The following MTBP variants were observed in gnomAD, a reference collection of about 807,000 sequenced individuals.
The protein encoded by MTBP is mdm2-binding protein.
MTBP carries 101 observed loss-of-function variants against 117.0 expected under a neutral mutation model. That is an observed-to-expected ratio of 0.86 (90% CI 0.73 to 1.02). MTBP has a LOEUF of 1.02. Ranked by LOEUF, MTBP falls within the 50% of genes least tolerant of loss-of-function variation. MTBP has a pLI of 0.00. For missense variants in MTBP, 970 were observed against 1,030.9 expected, an observed-to-expected ratio of 0.94 and a Z score of 0.81; for synonymous variants, 350 against 351.5, an observed-to-expected ratio of 1.00 and a Z score of 0.05.
intron 14 of MTBP, among the ~76,000 whole-genome samples, chr8:120,500,157 CTAT>C (rs1482702424): frequency 6.6e-6 from 1 of 151,850 alleles, no homozygotes; most frequent in Non-Finnish European, 1.5e-5. Flanking sequence ...TTCTATTGTT[CTAT>C]TTCTGTGTTT....
rs1020880400 is a variant in MTBP, at chr8:120,455,640, C to A, written c.629+61C>A. On this transcript the variant is annotated intron_variant, in intron 6 of 21. Transcript: ENST00000305949. ...CTTGTCTGTTTTCACAATTAACATA[C>A]TATTCTCTTTTCAGACTCAGCGTTT... The A allele has an allele frequency of 5.4e-6, 8 of 1,487,484 alleles. No individual in the cohort carries two copies. The African/African-American group carries it at 1.1e-4, about 21-fold the overall frequency. The allele number at this position is 1,487,484 out of a possible 1,614,324, so 92.1% of individuals were successfully genotyped here. A position where few individuals can be genotyped will look rare whatever the true frequency, so the allele number is the denominator to read the frequency against.
intron 12 of MTBP, among the ~76,000 whole-genome samples, chr8:120,489,841 A>G (rs1009959517): frequency 2.0e-5 from 3 of 152,160 alleles, no homozygotes; most frequent in Middle Eastern, 3.2e-3. Context: ...CCTGGCTTCT[A>G]TATTTCAGGG....
chr8:120,498,900 A>G (rs1814525032), intron 14 of MTBP, among the ~76,000 whole-genome samples: 1 of 152,170 alleles, frequency 6.6e-6, no homozygotes, highest in South Asian at 2.1e-4. Flanking sequence ...GAAGGGCTCA[A>G]ATAATTGCTA....
At chr8:120,514,293 G>A (rs1188591153) in intron 17 of MTBP, among the ~76,000 whole-genome samples, 1 of 151,846 alleles carries the variant, frequency 6.6e-6, no homozygotes, top group African/African-American at 2.4e-5. Context: ...TCCTTGTACT[G>A]TATGCTAGAT....
intron 8 of MTBP, 33 bp downstream of exon 8, chr8:120,459,382 C>G: frequency 1.9e-6 from 3 of 1,574,058 alleles, no homozygotes; most frequent in Non-Finnish European, 2.6e-6. Flanking sequence ...TGTGATCATT[C>G]ATGTGTATTT....
intron 10 of MTBP, 108 bp from the exon 11 acceptor site, chr8:120,470,712 C>G (rs1269024323): frequency 5.3e-6 from 4 of 757,598 alleles, no homozygotes; most frequent in African/African-American, 1.8e-5. Flanking sequence ...GAGGGCATTA[C>G]TAAATGCATG....
intron 8 of MTBP, 46 bp from the exon 9 acceptor site, chr8:120,461,115 T>C: frequency 7.3e-7 from 1 of 1,361,012 alleles, no homozygotes; most frequent in Non-Finnish European, 1.0e-6. Context: ...TTGTTTACTT[T>C]TGTTTATGGT....
intron 19 of MTBP, 58 bp from the exon 20 acceptor site, chr8:120,518,646 A>T: frequency 8.6e-7 from 1 of 1,159,612 alleles, no homozygotes; most frequent in African/African-American, 1.6e-5. Context: ...CTAAAGCTGA[A>T]ATAATAGGTT....
At chr8:120,473,575 A>G (rs1403151687) in intron 11 of MTBP, 2 of 152,140 alleles carry the variant, frequency 1.3e-5, no homozygotes, top group Non-Finnish European at 2.9e-5. Context: ...GGCAAAATGG[A>G]AGGTACTTCC....
intron 11 of MTBP, among the ~76,000 whole-genome samples, chr8:120,475,346 T>A (rs1296535825): frequency 1.3e-5 from 2 of 151,990 alleles, no homozygotes; most frequent in African/African-American, 2.4e-5. Context: ...AAATATTTGT[T>A]AAATAATGAG....
At position 120,459,426 on chromosome 8, in the gene MTBP, A is replaced by T. The variant is rs887389564; in HGVS notation, c.882+77A>T. 1.3e-5 allele frequency: 18 copies of T among 1,368,946 alleles called. No individual in the cohort carries two copies. In the African/African-American group the frequency reaches 2.2e-4, roughly 17 times the overall value. The allele number at this position is 1,368,946 out of a possible 1,614,324, so 84.8% of individuals were successfully genotyped here. ...ATAAAATATGTTTGAATCTTGACTT[A>T]ATATTACTAATATATGTGCTTAAGT... On this transcript the variant is annotated intron_variant, in intron 8 of 21. Transcript: ENST00000305949.
chr8:120,469,915 C>T (rs1813783975), intron 10 of MTBP, among the ~76,000 whole-genome samples: 1 of 152,186 alleles, frequency 6.6e-6, no homozygotes, highest in Non-Finnish European at 1.5e-5. Flanking sequence ...AGCAACAAAA[C>T]ATTAAAATAT....
At chr8:120,464,403 CTG>C (rs1238809453) in intron 10 of MTBP, among the ~76,000 whole-genome samples, 1 of 151,890 alleles carries the variant, frequency 6.6e-6, no homozygotes, top group Non-Finnish European at 1.5e-5. Context: ...ATTTATTCAA[CTG>C]TTATGTTTCT....
At chr8:120,514,382 C>T (rs934321145) in intron 17 of MTBP, among the ~76,000 whole-genome samples, 13 of 152,022 alleles carry the variant, frequency 8.6e-5, no homozygotes, top group Non-Finnish European at 1.9e-4. Flanking sequence ...TCCCCATCCC[C>T]ATAACCACTA....
chr8:120,494,981 C>T (rs898532966), intron 13 of MTBP, among the ~76,000 whole-genome samples: 4 of 152,008 alleles, frequency 2.6e-5, no homozygotes, highest in South Asian at 2.1e-4. Flanking sequence ...ATATTTTGCT[C>T]GACTATGGAC....
chr8:120,466,047 A>G (rs1239750319), intron 10 of MTBP, among the ~76,000 whole-genome samples: 1 of 152,140 alleles, frequency 6.6e-6, no homozygotes, highest in African/African-American at 2.4e-5. Context: ...AAAATATTAC[A>G]ACATACTTTA....
intron 11 of MTBP, among the ~76,000 whole-genome samples, chr8:120,483,896 G>A (rs1814152998): frequency 6.6e-6 from 1 of 151,918 alleles, no homozygotes; most frequent in Non-Finnish European, 1.5e-5. Flanking sequence ...GAGTGATGAG[G>A]CTGGAATAAC....
intron 14 of MTBP, among the ~76,000 whole-genome samples, chr8:120,499,570 T>A (rs1586964522): frequency 6.6e-6 from 1 of 152,316 alleles, no homozygotes; most frequent in African/African-American, 2.4e-5. Flanking sequence ...AAGAAATACA[T>A]CTACTTGTAA....
At chr8:120,518,891 T>G in intron 20 of MTBP, 74 bp downstream of exon 20, 1 of 1,057,296 alleles carries the variant, frequency 9.5e-7, no homozygotes, top group Middle Eastern at 2.1e-4. Flanking sequence ...AAAAAAAGTT[T>G]GAGTATTTTT....
Sources: allele counts gnomAD v4.1 joint callset (sites outside exome capture counted in the v4.1 genomes callset), GRCh38; gene constraint gnomAD v4.1.1; transcripts MANE v1.5; gene names NCBI Gene and HGNC (gene_info 2026-07-23, HGNC 2026-07-21).